PRKG1: variants seen among roughly 807,000 people sequenced by gnomAD.
PRKG1 encodes the protein cGMP-dependent protein kinase 1.
Under a neutral mutation model 88.1 loss-of-function variants are expected in PRKG1, and 35 were observed. The observed-to-expected ratio is 0.40, with a 90% CI of 0.30 to 0.53. The LOEUF (loss-of-function observed/expected upper bound fraction) is 0.53, where lower values mean the gene tolerates loss of function less well. Among genes scored for constraint, PRKG1 ranks in the 20% least tolerant of loss-of-function variants. The pLI is 0.59. For missense variants in PRKG1, 540 were observed against 839.8 expected (o/e 0.64, Z 4.41); for synonymous variants, 303 against 292.5 (o/e 1.04, Z -0.37).
intron 1 of PRKG1, among the ~76,000 whole-genome samples, chr10:51,143,631 C>T (rs543425720): frequency 6.6e-6 from 1 of 152,140 alleles, no homozygotes; most frequent in South Asian, 2.1e-4. Context: ...CATGTCAACA[C>T]TTGTTATCTT....
chr10:51,326,682 C>A (rs772912000), intron 2 of PRKG1, among the ~76,000 whole-genome samples: 1 of 152,158 alleles, frequency 6.6e-6, no homozygotes, highest in Non-Finnish European at 1.5e-5. Flanking sequence ...ATAACGATTT[C>A]TTTATCATAA....
intron 4 of PRKG1, among the ~76,000 whole-genome samples, chr10:51,821,895 G>T (rs761393399): frequency 6.6e-6 from 1 of 151,958 alleles, no homozygotes; most frequent in African/African-American, 2.4e-5. Context: ...ACAGTATGGA[G>T]CTTCCTCAAA....
intron 2 of PRKG1, among the ~76,000 whole-genome samples, chr10:51,314,970 G>A (rs771846950): frequency 2.0e-5 from 3 of 152,166 alleles, no homozygotes; most frequent in Non-Finnish European, 4.4e-5. Context: ...ACTGTAATTA[G>A]TGTAAAAGTT....
intron 3 of PRKG1, among the ~76,000 whole-genome samples, chr10:51,677,266 C>A (rs181072715): frequency 2.7e-4 from 41 of 152,264 alleles, no homozygotes; most frequent in Non-Finnish European, 1.5e-5. Context: ...ATAAAACCCA[C>A]TCTACTATTG....
intron 3 of PRKG1, among the ~76,000 whole-genome samples, chr10:51,665,389 G>A (rs1420347790): frequency 6.6e-6 from 1 of 152,042 alleles, no homozygotes; most frequent in Non-Finnish European, 1.5e-5. Context: ...ATCCGTCTTA[G>A]TTATGTTGCC....
intron 3 of PRKG1, among the ~76,000 whole-genome samples, chr10:51,656,780 T>G (rs912749195): frequency 6.6e-6 from 1 of 152,172 alleles, no homozygotes; most frequent in Non-Finnish European, 1.5e-5. Context: ...ACTCAGAGCC[T>G]TCCACAACTT....
Position 51,133,266 on chromosome 10 carries a change from T to C in PRKG1, c.312-19898T>C, listed in dbSNP as rs116219286. On this transcript the variant is annotated intron_variant, in intron 1 of 17. Coordinates refer to ENST00000373980, the MANE Select transcript of PRKG1 (RefSeq NM_006258.4). ...AGCCACACATGCCAATTGTAGCAGCTAGTCTTCACCAGGAATCTTCTTATA... is the reference window on the plus strand; with the variant it reads ...AGCCACACATGCCAATTGTAGCAGCCAGTCTTCACCAGGAATCTTCTTATA... Among the ~76,000 whole-genome samples the C allele has an allele frequency of 4.7e-3, 719 of 152,306 alleles. 1 individual carries two copies. The highest frequency in any genetic ancestry group is 0.016 in the African/African-American group (669 of 41,556).
At chr10:51,699,678 C>T in intron 3 of PRKG1, 1 of 1,060,180 alleles carries the variant, frequency 9.4e-7, no homozygotes, top group South Asian at 1.6e-5. Flanking sequence ...TCGCTTGAAT[C>T]GTTCCGCTTG....
chr10:51,739,542 A>G (rs560187697), intron 3 of PRKG1, among the ~76,000 whole-genome samples: 1 of 152,312 alleles, frequency 6.6e-6, no homozygotes, highest in African/African-American at 2.4e-5. Flanking sequence ...TTGAATTAAT[A>G]TAACTAGAAA....
chr10:51,402,910 G>A (rs1055049461), intron 2 of PRKG1, among the ~76,000 whole-genome samples: 4 of 152,076 alleles, frequency 2.6e-5, no homozygotes, highest in South Asian at 2.1e-4. Context: ...TGATGCCCTC[G>A]CATCTCACAA....
At chr10:51,125,960 T>C (rs1302947559) in intron 1 of PRKG1, among the ~76,000 whole-genome samples, 1 of 129,422 alleles carries the variant, frequency 7.7e-6, no homozygotes, top group South Asian at 2.2e-4. Context: ...ATTTTATATA[T>C]GAATATATAA....
intron 9 of PRKG1, among the ~76,000 whole-genome samples, chr10:52,164,799 G>T (rs1838385814): frequency 6.6e-6 from 1 of 152,228 alleles, no homozygotes; most frequent in South Asian, 2.1e-4. Flanking sequence ...TACAGTTAAA[G>T]TGTATATGAC....
chr10:51,583,163 T>G (rs1326687469), intron 3 of PRKG1, among the ~76,000 whole-genome samples: 2 of 152,138 alleles, frequency 1.3e-5, no homozygotes, highest in African/African-American at 4.8e-5. Context: ...AATCTGAACA[T>G]TTTTAAGTTC....
intron 1 of PRKG1, among the ~76,000 whole-genome samples, chr10:51,114,848 T>C (rs1845072466): frequency 6.6e-6 from 1 of 152,206 alleles, no homozygotes; most frequent in African/African-American, 2.4e-5. Context: ...AATTAATTTC[T>C]GCATTTTAAG....
At chr10:51,187,922 C>T (rs915588851) in intron 2 of PRKG1, among the ~76,000 whole-genome samples, 1 of 151,972 alleles carries the variant, frequency 6.6e-6, no homozygotes, top group Non-Finnish European at 1.5e-5. Flanking sequence ...ACCTATGAGA[C>T]AAAAGTTACT....
chr10:51,931,018 T>C (rs1842683152), intron 5 of PRKG1, among the ~76,000 whole-genome samples: 1 of 152,196 alleles, frequency 6.6e-6, no homozygotes. Flanking sequence ...GTGAGCTAGC[T>C]ACTGCTCTTA....
intron 3 of PRKG1, among the ~76,000 whole-genome samples, chr10:51,745,288 A>G (rs914193456): frequency 5.9e-5 from 9 of 152,150 alleles, no homozygotes; most frequent in Admixed American, 3.9e-4. Flanking sequence ...CTAGCTCATT[A>G]GGTGCCATGA....
intron 3 of PRKG1, among the ~76,000 whole-genome samples, chr10:51,654,082 T>C (rs1248286520): frequency 6.6e-6 from 1 of 152,226 alleles, no homozygotes; most frequent in East Asian, 1.9e-4. Context: ...TCGGGTCATA[T>C]TAAAAAAAAA....
At chr10:51,576,213 A>G (rs998964341) in intron 3 of PRKG1, among the ~76,000 whole-genome samples, 4 of 151,998 alleles carry the variant, frequency 2.6e-5, no homozygotes, top group African/African-American at 9.7e-5. Context: ...CAACCACTAT[A>G]TTACAAATCC....
Sources: allele counts gnomAD v4.1 joint callset (sites outside exome capture counted in the v4.1 genomes callset), GRCh38; gene constraint gnomAD v4.1.1; transcripts MANE v1.5; gene names NCBI Gene and HGNC (gene_info 2026-07-23, HGNC 2026-07-21).